UBE2Q2: variants seen among roughly 807,000 people sequenced by gnomAD.
UBE2Q2 encodes the protein ubiquitin conjugating enzyme E2 Q2, also known as ubiquitin-conjugating enzyme E2 Q2.
Under a neutral mutation model 59.9 loss-of-function variants are expected in UBE2Q2, and 54 were observed. The observed-to-expected ratio is 0.90, with a 90% CI of 0.72 to 1.13. UBE2Q2 has a LOEUF of 1.13. Ranked by LOEUF, UBE2Q2 falls within the 50% of genes most tolerant of loss-of-function variation. The pLI is 0.00. For missense variants in UBE2Q2, 433 were observed against 441.9 expected (o/e 0.98, Z 0.18); for synonymous variants, 165 against 155.2 (o/e 1.06, Z -0.47).
chr15:75,896,779 G>A (rs1029295763), intron 11 of UBE2Q2, among the ~76,000 whole-genome samples: 6 of 152,266 alleles, frequency 3.9e-5, no homozygotes, highest in African/African-American at 1.4e-4. Flanking sequence ...GAGGCTTGTT[G>A]AGTTTTATTG....
intron 8 of UBE2Q2, among the ~76,000 whole-genome samples, chr15:75,880,439 ATAATGGT>A (rs1370591994): frequency 6.6e-6 from 1 of 151,684 alleles, no homozygotes; most frequent in Non-Finnish European, 1.5e-5. Flanking sequence ...GATGCTAAAA[ATAATGGT>A]TAAAGAATAG....
intron 3 of UBE2Q2, among the ~76,000 whole-genome samples, chr15:75,862,219 G>A (rs995309334): frequency 6.6e-6 from 1 of 152,126 alleles, no homozygotes. Flanking sequence ...GACAGGAGGT[G>A]TGGTTCATTG....
At chr15:75,874,721 T>A (rs1382486674) in intron 5 of UBE2Q2, among the ~76,000 whole-genome samples, 1 of 152,218 alleles carries the variant, frequency 6.6e-6, no homozygotes, top group African/African-American at 2.4e-5. Flanking sequence ...GGATGATTGC[T>A]ATCAAAAATA....
At chr15:75,877,662 G>T (rs142814707) in intron 6 of UBE2Q2, among the ~76,000 whole-genome samples, 1 of 152,166 alleles carries the variant, frequency 6.6e-6, no homozygotes, top group Non-Finnish European at 1.5e-5. Flanking sequence ...AGAAATGTGT[G>T]TTCATGGAAG....
At chr15:75,888,097 TAC>T (rs1898887336) in intron 9 of UBE2Q2, among the ~76,000 whole-genome samples, 1 of 152,256 alleles carries the variant, frequency 6.6e-6, no homozygotes, top group South Asian at 2.1e-4. Context: ...TTTATTGTGA[TAC>T]AGTTTATATA....
chr15:75,852,492 T>G (rs575656530), intron 1 of UBE2Q2, among the ~76,000 whole-genome samples: 4 of 152,334 alleles, frequency 2.6e-5, no homozygotes, highest in African/African-American at 9.6e-5. Context: ...TTCAGTTAAT[T>G]GTTTTTGTAA....
intron 9 of UBE2Q2, among the ~76,000 whole-genome samples, chr15:75,883,892 A>G (rs1045708931): frequency 1.3e-5 from 2 of 152,210 alleles, no homozygotes; most frequent in Admixed American, 6.5e-5. Flanking sequence ...ACTTTTTACC[A>G]TAAAAAAGCT....
chr15:75,844,009 A>G, intron 1 of UBE2Q2, 163 bp downstream of exon 1: 1 of 1,409,656 alleles, frequency 7.1e-7, no homozygotes, highest in Non-Finnish European at 9.2e-7. Context: ...CCGGGCTGGG[A>G]CTGCGCGAGG....
At chr15:75,863,089 G>C (rs1897277534) in intron 3 of UBE2Q2, among the ~76,000 whole-genome samples, 1 of 152,102 alleles carries the variant, frequency 6.6e-6, no homozygotes, top group Non-Finnish European at 1.5e-5. Flanking sequence ...CCTGGAAAAT[G>C]TGTTCTGTAT....
At chr15:75,865,098 C>A (rs1897389886) in intron 3 of UBE2Q2, among the ~76,000 whole-genome samples, 1 of 152,216 alleles carries the variant, frequency 6.6e-6, no homozygotes, top group Admixed American at 6.5e-5. Flanking sequence ...GGAGCCAACA[C>A]CTAGCCAGCA....
At chr15:75,872,324 G>GAA (rs35840590) in intron 4 of UBE2Q2, among the ~76,000 whole-genome samples, 15 of 145,506 alleles carry the variant, frequency 1.0e-4, no homozygotes, top group South Asian at 2.2e-4. Flanking sequence ...CCTGCTTGGG[G>GAA]AAAAAAAAAA....
rs1392928190 is a variant in UBE2Q2, at chr15:75,900,144, A to G, written c.*686A>G. 1.3e-5 allele frequency: 2 copies of G among 152,352 alleles called. No homozygotes were observed. Among genetic ancestry groups the G allele is most frequent in the Non-Finnish European group, 2.9e-5 (2 of 68,050 alleles). The allele number at this position is 152,352 out of a possible 1,614,324, so 9.4% of individuals were successfully genotyped here. A position where few individuals can be genotyped will look rare whatever the true frequency, so the allele number is the denominator to read the frequency against. Reference sequence around the variant, plus strand: ...GGCATCAGAGTCTTGGCTGGGCTGAATCTGCTGCTTGTTGGTTCAGTGTTT... The same window carrying G: ...GGCATCAGAGTCTTGGCTGGGCTGAGTCTGCTGCTTGTTGGTTCAGTGTTT... On this transcript the variant is annotated 3_prime_UTR_variant, in exon 13 of 13. Transcript: ENST00000267938.
At chr15:75,875,301 C>T (rs77788798) in intron 5 of UBE2Q2, among the ~76,000 whole-genome samples, 3 of 125,998 alleles carry the variant, frequency 2.4e-5, no homozygotes, top group Non-Finnish European at 3.5e-5. Context: ...CTTGATTTTT[C>T]CCCCCTTCAA....
At chr15:75,883,994 T>C (rs1162209856) in intron 9 of UBE2Q2, among the ~76,000 whole-genome samples, 2 of 152,224 alleles carry the variant, frequency 1.3e-5, no homozygotes, top group African/African-American at 4.8e-5. Context: ...ATTGGTACTT[T>C]TAGGGATAAT....
At position 75,877,905 on chromosome 15, in the gene UBE2Q2, T is replaced by C. The variant is rs1302441075; in HGVS notation, c.674-56T>C. The C allele has an allele frequency of 4.6e-6, 7 of 1,524,562 alleles. No homozygotes were observed. In the East Asian group the frequency reaches 1.6e-4, roughly 35 times the overall value. The allele number at this position is 1,524,562 out of a possible 1,614,324, so 94.4% of individuals were successfully genotyped here. On this transcript the variant is annotated intron_variant, in intron 6 of 12. Transcript: ENST00000267938. Reference sequence around the variant, plus strand: ...CTATTTAGTGTATACATTTATACCATAGTAATAGTTATATGATGAAATGAA... The same window carrying C: ...CTATTTAGTGTATACATTTATACCACAGTAATAGTTATATGATGAAATGAA...
chr15:75,885,951 C>A (rs189052027), intron 9 of UBE2Q2, among the ~76,000 whole-genome samples: 150 of 152,208 alleles, frequency 9.9e-4, no homozygotes, highest in African/African-American at 3.4e-3. Context: ...TTTACATATA[C>A]AAAATAAACA....
Position 75,885,348 on chromosome 15 carries a change from C to A in UBE2Q2, c.884+1924C>A, listed in dbSNP as rs897521376. Among the ~76,000 whole-genome samples the A allele has an allele frequency of 3.9e-5, 6 of 152,158 alleles. No individual in the cohort carries two copies. The East Asian group carries it at 9.8e-4, about 25-fold the overall frequency. On this transcript the variant is annotated intron_variant, in intron 9 of 12. Transcript: ENST00000267938. ...GGCCAGGATGGTCTCTATCTCTTGA[C>A]CTCGTGATCCGCCTGCCTCAGCCTC...
intron 3 of UBE2Q2, among the ~76,000 whole-genome samples, chr15:75,867,119 A>G (rs954694829): frequency 1.3e-5 from 2 of 152,126 alleles, no homozygotes; most frequent in African/African-American, 4.8e-5. Flanking sequence ...TTCCTATGGC[A>G]TGAGGATGGG....
intron 1 of UBE2Q2, chr15:75,844,638 G>A (rs893228203): frequency 7.1e-5 from 57 of 800,980 alleles, no homozygotes; most frequent in Non-Finnish European, 1.0e-4. Flanking sequence ...CTCATTAAGC[G>A]GAAATCTCAT....
Sources: gnomAD v4.1 joint callset for allele counts (sites outside exome capture counted in the v4.1 genomes callset) on GRCh38, gnomAD v4.1.1 for gene constraint, MANE v1.5 for transcripts, NCBI Gene and HGNC (gene_info 2026-07-23, HGNC 2026-07-21) for gene names.